Variants in PPARGC1A observed in about 807,000 individuals in gnomAD.
PPARGC1A encodes peroxisome proliferator-activated receptor gamma coactivator 1-alpha.
Under a neutral mutation model 88.7 loss-of-function variants are expected in PPARGC1A, and 25 were observed. The ratio of observed to expected loss-of-function variants is 0.28; its 90% CI spans 0.21 to 0.39. PPARGC1A has a LOEUF of 0.39. PPARGC1A is among the 10% of genes least tolerant of loss of function. The probability of loss-of-function intolerance (pLI) is 1.00; values close to 1 mark genes in which losing one functional copy is unlikely to be tolerated. For synonymous variants in PPARGC1A, 363 were observed against 355.6 expected, an observed-to-expected ratio of 1.02 and a Z score of -0.24; for missense variants, 880 against 968.7, an observed-to-expected ratio of 0.91 and a Z score of 1.22.
chr4:24,240,375 A>G, the PPARGC1A span, among the ~76,000 whole-genome samples: 1 of 152,200 alleles, frequency 6.6e-6, no homozygotes, highest in African/African-American at 2.4e-5. Context: ...TGATAAGAAA[A>G]GGCACCAATA....
chr4:23,840,276 C>A (rs1726831157), intron 2 of PPARGC1A, among the ~76,000 whole-genome samples: 1 of 151,996 alleles, frequency 6.6e-6, no homozygotes, highest in East Asian at 1.9e-4. Context: ...CCAGACTACA[C>A]CAGGCTAACT....
the PPARGC1A span, among the ~76,000 whole-genome samples, chr4:23,977,593 AG>A: frequency 6.6e-6 from 1 of 152,198 alleles, no homozygotes; most frequent in Admixed American, 6.5e-5. Flanking sequence ...AATAACTAGG[AG>A]ATGGATTGAT....
the PPARGC1A span, among the ~76,000 whole-genome samples, chr4:24,295,012 T>C: frequency 6.6e-6 from 1 of 152,194 alleles, no homozygotes; most frequent in African/African-American, 2.4e-5. Context: ...GGGCAACTGA[T>C]TGTGCTGTGG....
the PPARGC1A span, among the ~76,000 whole-genome samples, chr4:24,246,181 T>A: frequency 6.6e-6 from 1 of 152,220 alleles, no homozygotes; most frequent in Non-Finnish European, 1.5e-5. Context: ...TTCATATATT[T>A]CCTATAATTC....
chr4:23,974,560 G>C, the PPARGC1A span, among the ~76,000 whole-genome samples: 5 of 152,086 alleles, frequency 3.3e-5, no homozygotes, highest in Non-Finnish European at 5.9e-5. Flanking sequence ...GCTTTGAAAA[G>C]GTTAGGAAAT....
At chr4:23,976,484 A>G in the PPARGC1A span, among the ~76,000 whole-genome samples, 2 of 152,192 alleles carry the variant, frequency 1.3e-5, no homozygotes, top group Non-Finnish European at 2.9e-5. Flanking sequence ...GCCTGAATTG[A>G]CTATTTATCT....
At chr4:24,183,582 G>T in the PPARGC1A span, among the ~76,000 whole-genome samples, 2 of 152,212 alleles carry the variant, frequency 1.3e-5, no homozygotes, top group African/African-American at 2.4e-5. Flanking sequence ...GGAGACATTA[G>T]ACTGTAGAGA....
the PPARGC1A span, among the ~76,000 whole-genome samples, chr4:24,427,936 C>A: frequency 6.6e-6 from 1 of 151,914 alleles, no homozygotes; most frequent in African/African-American, 2.4e-5. Context: ...CATAGCAAGA[C>A]CTCTTTTCTA....
the PPARGC1A span, among the ~76,000 whole-genome samples, chr4:24,045,854 A>G: frequency 6.6e-6 from 1 of 152,216 alleles, no homozygotes; most frequent in Non-Finnish European, 1.5e-5. Context: ...TAAAATCAAT[A>G]TAACTACCAA....
At chr4:24,085,092 A>G in the PPARGC1A span, among the ~76,000 whole-genome samples, 2 of 152,230 alleles carry the variant, frequency 1.3e-5, no homozygotes, top group Non-Finnish European at 2.9e-5. Flanking sequence ...TATTTCATCA[A>G]TGTCCAATCT....
the PPARGC1A span, among the ~76,000 whole-genome samples, chr4:24,393,422 A>T: frequency 6.6e-6 from 1 of 152,244 alleles, no homozygotes; most frequent in African/African-American, 2.4e-5. Context: ...AGGCATATGA[A>T]TATAGCCCTG....
chr4:24,456,355 C>T, the PPARGC1A span, among the ~76,000 whole-genome samples: 61 of 152,026 alleles, frequency 4.0e-4, no homozygotes, highest in Non-Finnish European at 7.5e-4. Flanking sequence ...ATTGGGTGAC[C>T]ATGAATCCTT....
At chr4:23,818,720 G>A (rs1023851185) in intron 7 of PPARGC1A, among the ~76,000 whole-genome samples, 1 of 150,862 alleles carries the variant, frequency 6.6e-6, no homozygotes, top group Non-Finnish European at 1.5e-5. Flanking sequence ...TTTCATTATC[G>A]CTATGAAACG....
At chr4:24,297,753 A>G in the PPARGC1A span, among the ~76,000 whole-genome samples, 5 of 152,288 alleles carry the variant, frequency 3.3e-5, no homozygotes, top group African/African-American at 1.2e-4. Context: ...AAATGGCAGC[A>G]ACAGCCTAGT....
chr4:24,204,708 C>A, the PPARGC1A span, among the ~76,000 whole-genome samples: 1 of 152,172 alleles, frequency 6.6e-6, no homozygotes, highest in Non-Finnish European at 1.5e-5. Context: ...AACTCCCTTG[C>A]ACTTACCTCT....
chr4:23,877,517 G>A (rs1361124387), intron 2 of PPARGC1A, among the ~76,000 whole-genome samples: 3 of 117,308 alleles, frequency 2.6e-5, no homozygotes, highest in Admixed American at 2.4e-4. Flanking sequence ...CAGCCTGGGC[G>A]ACAGAGCGAG....
chr4:24,077,467 G>A, the PPARGC1A span, among the ~76,000 whole-genome samples: 1 of 151,936 alleles, frequency 6.6e-6, no homozygotes, highest in Admixed American at 6.6e-5. Context: ...AGTTAAATTT[G>A]TCAATATAAT....
At chr4:24,007,466 G>A in the PPARGC1A span, among the ~76,000 whole-genome samples, 2 of 152,162 alleles carry the variant, frequency 1.3e-5, no homozygotes. Flanking sequence ...CCATGGAGAG[G>A]TGCACGGTGC....
At chr4:24,427,017 A>G in the PPARGC1A span, among the ~76,000 whole-genome samples, 4 of 152,302 alleles carry the variant, frequency 2.6e-5, no homozygotes, top group South Asian at 4.1e-4. Flanking sequence ...ACATATCAAT[A>G]TTCCCATTCT....
Sources: allele counts gnomAD v4.1 joint callset (sites outside exome capture counted in the v4.1 genomes callset), GRCh38; gene constraint gnomAD v4.1.1; transcripts MANE v1.5; gene names NCBI Gene and HGNC (gene_info 2026-07-23, HGNC 2026-07-21).